Variants in MED12L observed in about 807,000 individuals in gnomAD.
The protein encoded by MED12L is mediator of RNA polymerase II transcription subunit 12-like protein.
Under a neutral mutation model 281.3 loss-of-function variants are expected in MED12L, and 60 were observed. That is an observed-to-expected ratio of 0.21 (90% CI 0.17 to 0.26). MED12L has a LOEUF of 0.26. Among genes scored for constraint, MED12L ranks in the 10% least tolerant of loss-of-function variants. MED12L has a pLI of 1.00. For missense variants in MED12L, 2,146 were observed against 2,680.9 expected, an observed-to-expected ratio of 0.80 and a Z score of 4.41; for synonymous variants, 974 against 987.2, an observed-to-expected ratio of 0.99 and a Z score of 0.25.
At chr3:151,189,080 T>C (rs1723631714) in intron 13 of MED12L, among the ~76,000 whole-genome samples, 4 of 152,174 alleles carry the variant, frequency 2.6e-5, no homozygotes, top group Admixed American at 2.6e-4. Context: ...GAGATTTTCA[T>C]ATGACAAAAT....
intron 16 of MED12L, among the ~76,000 whole-genome samples, chr3:151,194,338 T>C: frequency 6.6e-6 from 1 of 152,166 alleles, no homozygotes; most frequent in Non-Finnish European, 1.5e-5. Flanking sequence ...TAGGTACTTC[T>C]AGTCAGTAAG....
chr3:151,233,066 C>G (rs1336000519), intron 16 of MED12L, among the ~76,000 whole-genome samples: 1 of 152,112 alleles, frequency 6.6e-6, no homozygotes, highest in Non-Finnish European at 1.5e-5. Context: ...TTGTCCCTGC[C>G]CTCTTGGAGC....
At chr3:151,092,222 A>G (rs1281730532) in intron 2 of MED12L, among the ~76,000 whole-genome samples, 1 of 151,824 alleles carries the variant, frequency 6.6e-6, no homozygotes, top group African/African-American at 2.4e-5. Flanking sequence ...CTTAGCTCGG[A>G]AACTCCCCCA....
chr3:151,334,657 G>A (rs1463215741), intron 16 of MED12L, among the ~76,000 whole-genome samples: 4 of 151,818 alleles, frequency 2.6e-5, no homozygotes, highest in South Asian at 2.1e-4. Flanking sequence ...CCACCACCAC[G>A]CCCAGCTAAT....
chr3:151,404,566 A>G (rs939879383), intron 39 of MED12L, among the ~76,000 whole-genome samples: 4 of 152,248 alleles, frequency 2.6e-5, no homozygotes, highest in Non-Finnish European at 4.4e-5. Context: ...GCACTCAGTA[A>G]CTTCCAAACT....
rs574460252 is a variant in MED12L at position 151,194,874 on chromosome 3, G to A, written c.2250+1208G>A. Among the ~76,000 whole-genome samples, 11 of 152,164 alleles carry A rather than the reference G, an allele frequency of 7.2e-5. No homozygotes were observed. The South Asian group carries it at 2.1e-3, about 29-fold the overall frequency. On this transcript the variant is annotated intron_variant, in intron 16 of 44. Coordinates refer to ENST00000687756, the MANE Select transcript of MED12L (RefSeq NM_001393769.1). ...TGGGTGTTACTTTTACATATAAAAA[G>A]CATAATTGGGCCGGGCGCGGTGGCT...
Position 151,279,464 on chromosome 3 carries a change from T to A in MED12L, c.2251-70595T>A, listed in dbSNP as rs540726205. 6.4e-3 allele frequency among the ~76,000 whole-genome samples: 982 copies of A among 152,348 alleles called. 8 individuals are homozygous for A. Among genetic ancestry groups the A allele is most frequent in the South Asian group, 0.014 (66 of 4,830 alleles). On this transcript the variant is annotated intron_variant, in intron 16 of 44. Coordinates refer to ENST00000687756, the MANE Select transcript of MED12L (RefSeq NM_001393769.1). ...CCTCATGAAGAGTATTTTCTTACTT[T>A]CTGTCTCACAGACTTGCTAGTCACT...
chr3:151,275,863 T>A (rs565463217), intron 16 of MED12L, among the ~76,000 whole-genome samples: 266 of 152,306 alleles, frequency 1.7e-3, no homozygotes, highest in Middle Eastern at 3.4e-3. Flanking sequence ...CTAGCTGTGC[T>A]GCTCAGACTT....
chr3:151,180,828 T>C (rs1722615049), intron 11 of MED12L, among the ~76,000 whole-genome samples: 1 of 152,202 alleles, frequency 6.6e-6, no homozygotes, highest in Non-Finnish European at 1.5e-5. Flanking sequence ...TTTTGTAAAT[T>C]TAATTTCCTT....
rs1015247062 is a variant in MED12L at position 151,288,112 on chromosome 3, A to G, written c.2251-61947A>G. Among the ~76,000 whole-genome samples the G allele has an allele frequency of 4.6e-5, 7 of 152,182 alleles. No homozygotes were observed. The East Asian group carries it at 7.7e-4, about 17-fold the overall frequency. ...CTCAGGAATCCAATCAGGGTTCTCAATGTAGGCATTACTGCCCCAGAGAGT... is the reference window on the plus strand; with the variant it reads ...CTCAGGAATCCAATCAGGGTTCTCAGTGTAGGCATTACTGCCCCAGAGAGT... On this transcript the variant is annotated intron_variant, in intron 16 of 44. Coordinates refer to ENST00000687756, the MANE Select transcript of MED12L (RefSeq NM_001393769.1).
rs200700829 is a variant in MED12L at position 151,295,044 on chromosome 3, A to G, written c.2251-55015A>G. The stretch of plus-strand genomic sequence containing the variant: ...AAGCTGGTTTTATTCCTAATGTGGA[A>G]GAAGATCCACACTGCTAAACCATTC... On this transcript the variant is annotated intron_variant, in intron 16 of 44. Coordinates refer to ENST00000687756, the MANE Select transcript of MED12L (RefSeq NM_001393769.1). 413 of 1,613,146 alleles carry G rather than the reference A, an allele frequency of 2.6e-4. 3 individuals carry two copies. Among genetic ancestry groups the G allele is most frequent in the Non-Finnish European group, 3.1e-5 (37 of 1,179,264 alleles).
intron 16 of MED12L, among the ~76,000 whole-genome samples, chr3:151,244,764 A>G (rs1734996250): frequency 6.6e-6 from 1 of 152,106 alleles, no homozygotes; most frequent in Admixed American, 6.6e-5. Context: ...AAATAACTAA[A>G]ATCGGAGCAG....
intron 16 of MED12L, among the ~76,000 whole-genome samples, chr3:151,318,092 TA>T (rs142700222): frequency 0.027 from 4,080 of 152,190 alleles, 170 homozygotes; most frequent in African/African-American, 0.094. Flanking sequence ...TGTATTTTCC[TA>T]TCTGCTTCCT....
chr3:151,352,205 T>C (rs921596506), intron 17 of MED12L, among the ~76,000 whole-genome samples: 25 of 152,234 alleles, frequency 1.6e-4, no homozygotes, highest in African/African-American at 5.5e-4. Flanking sequence ...ATTTTGACTG[T>C]GACCTGTTAT....
intron 16 of MED12L, chr3:151,295,034 C>T: frequency 6.2e-7 from 1 of 1,613,582 alleles, no homozygotes; most frequent in Non-Finnish European, 8.5e-7. Context: ...GGTTTTATTC[C>T]TAATGTGGAA....
intron 16 of MED12L, among the ~76,000 whole-genome samples, chr3:151,260,160 G>T (rs183259856): frequency 2.6e-5 from 4 of 152,072 alleles, no homozygotes; most frequent in African/African-American, 9.7e-5. Context: ...AAAGAATGAG[G>T]GCTAGTAAAC....
At chr3:151,241,513 A>G (rs1348181362) in intron 16 of MED12L, among the ~76,000 whole-genome samples, 6 of 152,142 alleles carry the variant, frequency 3.9e-5, no homozygotes, top group Non-Finnish European at 8.8e-5. Flanking sequence ...AATGGATGGG[A>G]CTGATGGACT....
At chr3:151,193,892 C>T in intron 16 of MED12L, 1 of 409,284 alleles carries the variant, frequency 2.4e-6, no homozygotes, top group Non-Finnish European at 4.3e-6. Flanking sequence ...ATGAAATTTT[C>T]TATGTTAGTA....
intron 16 of MED12L, among the ~76,000 whole-genome samples, chr3:151,346,465 C>A (rs373231688): frequency 6.6e-6 from 1 of 152,112 alleles, no homozygotes; most frequent in Non-Finnish European, 1.5e-5. Flanking sequence ...TTACTTTAAC[C>A]GCTTGTTTCT....
Sources: gnomAD v4.1 joint callset for allele counts (sites outside exome capture counted in the v4.1 genomes callset) on GRCh38, gnomAD v4.1.1 for gene constraint, MANE v1.5 for transcripts, NCBI Gene and HGNC (gene_info 2026-07-23, HGNC 2026-07-21) for gene names.